Variants in UGT1A8 observed in about 807,000 individuals in gnomAD.
The protein encoded by UGT1A8 is UDP-glucuronosyltransferase 1A8.
A neutral mutation model predicts 45.3 loss-of-function variants in UGT1A8; 39 were observed. The observed-to-expected ratio is 0.86, with a 90% CI of 0.67 to 1.12. The LOEUF (loss-of-function observed/expected upper bound fraction) is 1.12. UGT1A8 is among the 50% of genes most tolerant of loss of function. UGT1A8 has a pLI of 0.00. For synonymous variants in UGT1A8, 275 were observed against 249.2 expected (o/e 1.10, Z -0.97); for missense variants, 719 against 664.9 (o/e 1.08, Z -0.90).
Position 233,769,262 on chromosome 2 carries a change from G to A in UGT1A8, c.1295+823G>A, listed in dbSNP as rs1197405588. ...TTTGCTCAAATGTGGCCCTGAAAAC[G>A]ATTCAAAGGGCAAATGATTTCTGGA... is the stretch of plus-strand genomic sequence containing the variant. On this transcript the variant is annotated intron_variant, in intron 4 of 4. Coordinates refer to ENST00000373450, the MANE Select transcript of UGT1A8 (RefSeq NM_019076.5). The surrounding 1 kb of genome is among the most constrained non-coding windows in gnomAD (Gnocchi z 4.4). Among the ~76,000 whole-genome samples the A allele has an allele frequency of 1.3e-5, 2 of 152,184 alleles. No homozygotes were observed. The highest frequency in any genetic ancestry group is 2.9e-5 in the Non-Finnish European group (2 of 68,036).
chr2:233,671,859 G>C, intron 1 of UGT1A8: 1 of 1,514,294 alleles, frequency 6.6e-7, no homozygotes, highest in Non-Finnish European at 8.8e-7. Flanking sequence ...GTCAGGTTTT[G>C]TGCTGGTATT....
chr2:233,653,431 A>G (rs890506224), intron 1 of UGT1A8, among the ~76,000 whole-genome samples: 1 of 152,146 alleles, frequency 6.6e-6, no homozygotes, highest in Admixed American at 6.5e-5. Context: ...AAAAGTATCA[A>G]TATTTATTAC....
At chr2:233,772,063 T>A (rs1007747764) in intron 4 of UGT1A8, among the ~76,000 whole-genome samples, 199 bp from the exon 5 acceptor site, 9 of 152,136 alleles carry the variant, frequency 5.9e-5, no homozygotes, top group Non-Finnish European at 1.2e-4. Context: ...CAGTTAGCCA[T>A]GCTTGTGCCA....
intron 1 of UGT1A8, among the ~76,000 whole-genome samples, chr2:233,643,137 A>G (rs112567580): frequency 1.3e-5 from 2 of 152,332 alleles, no homozygotes; most frequent in African/African-American, 4.8e-5. Context: ...CTCCCTTCAG[A>G]ATGGCAAGGT....
intron 1 of UGT1A8, chr2:233,637,510 T>C: frequency 1.4e-6 from 2 of 1,481,074 alleles, no homozygotes; most frequent in Non-Finnish European, 1.8e-6. Context: ...CAAATTATTT[T>C]GTGCGAATTC....
At chr2:233,639,051 G>A (rs45615640) in intron 1 of UGT1A8, among the ~76,000 whole-genome samples, 9 of 152,262 alleles carry the variant, frequency 5.9e-5, no homozygotes, top group East Asian at 3.9e-4. Context: ...CTGAACCCAC[G>A]CTGAGTTTAT....
At chr2:233,747,347 G>A (rs1693638720) in intron 1 of UGT1A8, 5 of 1,603,376 alleles carry the variant, frequency 3.1e-6, no homozygotes, top group Non-Finnish European at 4.3e-6. Context: ...CTCGCATGCG[G>A]GAGGCCGTGC....
chr2:233,661,644 T>TTTCTTTCTTTCTTTCTTTCA (rs2073969586), intron 1 of UGT1A8, among the ~76,000 whole-genome samples: 1 of 144,146 alleles, frequency 6.9e-6, no homozygotes, highest in African/African-American at 2.5e-5. Flanking sequence ...TCTTTCTTTC[T>TTTCTTTCTTTCTTTCTTTCA]TTCTTTCTTT....
chr2:233,761,222 C>T, intron 1 of UGT1A8: 1 of 1,613,374 alleles, frequency 6.2e-7, no homozygotes, highest in Admixed American at 1.7e-5. Flanking sequence ...GATTAACTAG[C>T]CCCAGATATA....
chr2:233,632,505 T>C (rs954018818), intron 1 of UGT1A8, among the ~76,000 whole-genome samples: 4 of 152,226 alleles, frequency 2.6e-5, no homozygotes, highest in Non-Finnish European at 4.4e-5. Context: ...TCCTCTCTTA[T>C]TTACTTGAGC....
chr2:233,665,086 A>G (rs2074045254), intron 1 of UGT1A8, among the ~76,000 whole-genome samples: 1 of 152,224 alleles, frequency 6.6e-6, no homozygotes, highest in African/African-American at 2.4e-5. Flanking sequence ...TCTAATGCAT[A>G]TTCTCACACC....
At chr2:233,703,336 CTT>C (rs2075733566) in intron 1 of UGT1A8, among the ~76,000 whole-genome samples, 1 of 151,932 alleles carries the variant, frequency 6.6e-6, no homozygotes, top group South Asian at 2.1e-4. Flanking sequence ...AGTCTTCTCT[CTT>C]TTTTCTTTGT....
intron 1 of UGT1A8, among the ~76,000 whole-genome samples, chr2:233,627,982 A>C (rs1256438719): frequency 6.6e-6 from 1 of 152,028 alleles, no homozygotes; most frequent in East Asian, 1.9e-4. Context: ...GCTCAAACAG[A>C]GAGTATAAAT....
intron 1 of UGT1A8, among the ~76,000 whole-genome samples, chr2:233,736,009 A>G (rs1243121159): frequency 6.6e-6 from 1 of 151,786 alleles, no homozygotes; most frequent in Non-Finnish European, 1.5e-5. Context: ...CTTCTCGAGG[A>G]GTATCTTTGT....
intron 1 of UGT1A8, among the ~76,000 whole-genome samples, chr2:233,685,193 C>T (rs1028451320): frequency 3.3e-5 from 5 of 151,888 alleles, no homozygotes; most frequent in African/African-American, 1.2e-4. Flanking sequence ...AACATTAAAA[C>T]GGTTTTGTTT....
intron 1 of UGT1A8, among the ~76,000 whole-genome samples, chr2:233,724,370 GC>G (rs1390000328): frequency 6.8e-6 from 1 of 148,040 alleles, no homozygotes; most frequent in Non-Finnish European, 1.5e-5. Flanking sequence ...GGACGGGGTG[GC>G]TGCCGGGCGG....
rs375883067 is a variant in UGT1A8 at position 233,767,172 on chromosome 2, A to C, written c.987+7A>C. ...GGGCAAAATCCCTCAGACAGTAAGA[A>C]GATTCTATACCATGGCCTCATATCT... On this transcript the variant is annotated splice_region_variant and intron_variant, in intron 2 of 4. Coordinates refer to ENST00000373450, the MANE Select transcript of UGT1A8 (RefSeq NM_019076.5). 4 of 1,613,980 alleles carry C rather than the reference A, an allele frequency of 2.5e-6. No individual in the cohort carries two copies. In the African/African-American group the frequency reaches 5.3e-5, roughly 22 times the overall value.
At chr2:233,730,016 A>C in intron 1 of UGT1A8, 1 of 1,613,836 alleles carries the variant, frequency 6.2e-7, no homozygotes. Context: ...GCCTTCATCC[A>C]ATCAATGTTC....
intron 1 of UGT1A8, chr2:233,755,338 G>T (rs569505432): frequency 4.6e-6 from 2 of 431,822 alleles, no homozygotes; most frequent in South Asian, 2.1e-5. Flanking sequence ...CCCGCGCACA[G>T]GTCAGAGGCT....
Sources: allele counts gnomAD v4.1 joint callset (sites outside exome capture counted in the v4.1 genomes callset), GRCh38; gene constraint gnomAD v4.1.1; non-coding constraint Gnocchi (gnomAD v3.1); transcripts MANE v1.5; gene names NCBI Gene and HGNC (gene_info 2026-07-23, HGNC 2026-07-21).